SCN2A: variants seen among roughly 807,000 people sequenced by gnomAD.
The protein encoded by SCN2A is sodium channel protein type 2 subunit alpha.
Under a neutral mutation model 188.7 loss-of-function variants are expected in SCN2A, and 20 were observed. That is an observed-to-expected ratio of 0.11 (90% CI 0.07 to 0.15). The LOEUF (loss-of-function observed/expected upper bound fraction) is 0.15. Ranked by LOEUF, SCN2A falls within the 10% of genes least tolerant of loss-of-function variation. The pLI is 1.00. For missense variants in SCN2A, 1,278 were observed against 2,445.0 expected (o/e 0.52, Z 10.07); for synonymous variants, 804 against 833.1 (o/e 0.97, Z 0.60).
Position 165,344,882 on chromosome 2 carries a change from A to T in SCN2A, c.2890A>T (p.Met964Leu), listed in dbSNP as rs1161202844. The T allele has an allele frequency of 1.2e-6, 2 of 1,614,100 alleles. No homozygotes were observed. The highest frequency in any genetic ancestry group is 3.3e-5 in the Admixed American group (2 of 59,996). ...AGQTMCLTVF[M>L]MVMVIGNLVV... ...CCAAACCATGTGCCTTACTGTCTTC[A>T]TGATGGTCATGGTGATTGGAAATCT... The change falls in exon 16 of 27, where the codon ATG (methionine) becomes TTG (leucine). Residue 964 changes from methionine (M) to leucine (L), a missense_variant. Around this residue, in one of 17 missense-constraint regions of SCN2A, gnomAD observed 83 missense variants for 256.8 expected, o/e 0.32. Transcript: ENST00000375437.
chr2:165,357,423 T>C (rs1467081882), intron 17 of SCN2A, among the ~76,000 whole-genome samples: 3 of 152,158 alleles, frequency 2.0e-5, no homozygotes, highest in Admixed American at 2.0e-4. Context: ...GCTTTTTTAC[T>C]GGAATGTCTA....
intron 25 of SCN2A, among the ~76,000 whole-genome samples, 195 bp downstream of exon 25, chr2:165,381,392 CAT>C (rs1701594910): frequency 6.6e-6 from 1 of 151,598 alleles, no homozygotes; most frequent in Non-Finnish European, 1.5e-5. Context: ...TAATGCATAA[CAT>C]ATTTTATATG....
At chr2:165,352,586 A>T (rs569786957) in intron 16 of SCN2A, among the ~76,000 whole-genome samples, 1 of 152,306 alleles carries the variant, frequency 6.6e-6, no homozygotes, top group African/African-American at 2.4e-5. Flanking sequence ...AAATGCTCGG[A>T]AGTTCAAAGC....
intron 21 of SCN2A, among the ~76,000 whole-genome samples, chr2:165,373,803 A>G (rs941613039): frequency 3.3e-5 from 5 of 152,088 alleles, no homozygotes; most frequent in Non-Finnish European, 7.4e-5. Flanking sequence ...AAGTAGGTCA[A>G]CTGGAAATCT....
chr2:165,327,078 A>G (rs990314853), intron 13 of SCN2A, 94 bp downstream of exon 13: 22 of 1,423,860 alleles, frequency 1.5e-5, no homozygotes, highest in South Asian at 1.2e-4. Flanking sequence ...CTGACTTGAT[A>G]TTGTATCATT....
At chr2:165,370,064 A>G in intron 19 of SCN2A, 62 bp from the exon 20 acceptor site, 2 of 1,466,300 alleles carry the variant, frequency 1.4e-6, no homozygotes, top group Non-Finnish European at 1.9e-6. Flanking sequence ...TCCTTTTTTA[A>G]GAAATCATCA....
intron 20 of SCN2A, chr2:165,372,094 A>G (rs1245599859): frequency 6.6e-6 from 1 of 152,188 alleles, no homozygotes; most frequent in African/African-American, 2.4e-5. Context: ...GTAAAGTACT[A>G]CAGGTCCTTA....
At chr2:165,247,290 T>A (rs189781024) in intron 1 of SCN2A, among the ~76,000 whole-genome samples, 9 of 152,350 alleles carry the variant, frequency 5.9e-5, no homozygotes, top group Non-Finnish European at 8.8e-5. Context: ...ATCTTTTTTT[T>A]ATTTTTTGTT....
At chr2:165,272,524 A>G (rs1409806196) in intron 1 of SCN2A, 7 of 152,070 alleles carry the variant, frequency 4.6e-5, no homozygotes, top group East Asian at 3.8e-4. Context: ...CCTAACTGAC[A>G]TTTATAGAAT....
intron 21 of SCN2A, 67 bp from the exon 22 acceptor site, chr2:165,374,618 A>G (rs1007423536): frequency 3.8e-5 from 58 of 1,532,298 alleles, no homozygotes; most frequent in Non-Finnish European, 4.9e-5. Context: ...TCTTTTAATA[A>G]TGTTTAAAAA....
rs112307363 is a variant in SCN2A at position 165,319,295 on chromosome 2, C to G, written c.1671+3537C>G. ...GAGCTTGCAGTGAGCCGAGATCACG[C>G]CACTGCACTCCAGCCTGGGTGACAG... On this transcript the variant is annotated intron_variant, in intron 11 of 26. Transcript: ENST00000375437. Among the ~76,000 whole-genome samples, 552 of 152,170 alleles carry G rather than the reference C, an allele frequency of 3.6e-3. 4 individuals carry two copies. Among genetic ancestry groups the G allele is most frequent in the African/African-American group, 0.013 (536 of 41,512 alleles).
At chr2:165,329,751 T>A (rs1428530059) in intron 13 of SCN2A, among the ~76,000 whole-genome samples, 1 of 152,214 alleles carries the variant, frequency 6.6e-6, no homozygotes, top group Admixed American at 6.5e-5. Flanking sequence ...TAATAATACC[T>A]CCTTTTTACC....
intron 14 of SCN2A, among the ~76,000 whole-genome samples, chr2:165,334,501 A>G (rs999154566): frequency 6.6e-6 from 1 of 151,848 alleles, no homozygotes; most frequent in African/African-American, 2.4e-5. Flanking sequence ...TTAATGTAAT[A>G]TATCATATTA....
chr2:165,367,614 C>T (rs1332281723), intron 19 of SCN2A, among the ~76,000 whole-genome samples: 1 of 152,196 alleles, frequency 6.6e-6, no homozygotes. Flanking sequence ...AAAGAAGGAT[C>T]TTTCTGACTT....
At chr2:165,378,758 C>A (rs1701446624) in intron 23 of SCN2A, among the ~76,000 whole-genome samples, 1 of 149,762 alleles carries the variant, frequency 6.7e-6, no homozygotes, top group Admixed American at 6.7e-5. Context: ...CTTAGCAGAC[C>A]TTTTCCGCTG....
chr2:165,278,393 C>A (rs1235316947), intron 1 of SCN2A, among the ~76,000 whole-genome samples: 1 of 152,146 alleles, frequency 6.6e-6, no homozygotes, highest in Admixed American at 6.5e-5. Flanking sequence ...AGGCAAGGCA[C>A]CTTTTTCTCC....
Position 165,297,069 on chromosome 2 carries a change from C to G in SCN2A, c.320C>G (p.Pro107Arg). ...GCAATCTCTCGATTCAGTGCCACCC[C>G]TGCCCTTTACATTTTAACTCCCTTC... ...GKAISRFSAT[P>R]ALYILTPFNP... Residue 107 changes from proline (P) to arginine (R), a missense_variant, in exon 3 of 27, where the codon CCT becomes CGT. Around this residue, in one of 17 missense-constraint regions of SCN2A, gnomAD observed 141 missense variants for 185.4 expected, o/e 0.76. Coordinates refer to ENST00000375437, the MANE Select transcript of SCN2A (RefSeq NM_001040142.2). 2.5e-6 allele frequency: 4 copies of G among 1,612,114 alleles called. No homozygotes were observed. Among genetic ancestry groups the G allele is most frequent in the Non-Finnish European group, 3.4e-6 (4 of 1,178,640 alleles).
At chr2:165,313,455 A>G (rs775412055) in intron 8 of SCN2A, among the ~76,000 whole-genome samples, 165 bp from the exon 9 acceptor site, 1 of 152,204 alleles carries the variant, frequency 6.6e-6, no homozygotes, top group Non-Finnish European at 1.5e-5. Context: ...CTGTTATTAT[A>G]TAAATCAGTC....
chr2:165,285,586 A>G, intron 1 of SCN2A: 1 of 235,694 alleles, frequency 4.2e-6, no homozygotes, highest in Non-Finnish European at 9.4e-6. Context: ...AAGTTTTTTG[A>G]TGCAAACTGC....
Sources: allele counts gnomAD v4.1 joint callset (sites outside exome capture counted in the v4.1 genomes callset), GRCh38; gene constraint gnomAD v4.1.1; regional missense constraint gnomAD v4.1.1; transcripts MANE v1.5; gene names NCBI Gene and HGNC (gene_info 2026-07-23, HGNC 2026-07-21).